CHST8: variants seen among roughly 807,000 people sequenced by gnomAD.
CHST8 encodes carbohydrate sulfotransferase 8.
A neutral mutation model predicts 15.0 loss-of-function variants in CHST8; 10 were observed. The observed-to-expected ratio is 0.67, with a 90% confidence interval of 0.41 to 1.13. The LOEUF (loss-of-function observed/expected upper bound fraction) is 1.13. CHST8 is among the 50% of genes most tolerant of loss of function. CHST8 has a pLI of 0.00. For synonymous variants in CHST8, 259 were observed against 256.6 expected (o/e 1.01, Z -0.09); for missense variants, 634 against 608.2 (o/e 1.04, Z -0.45).
intron 1 of CHST8, among the ~76,000 whole-genome samples, chr19:33,631,874 A>G (rs553571832): frequency 2.6e-5 from 4 of 152,288 alleles, no homozygotes; most frequent in African/African-American, 7.2e-5. Flanking sequence ...TGTGTGGGCT[A>G]GGGACCCAGT....
At chr19:33,769,287 A>G (rs889438622) in intron 3 of CHST8, among the ~76,000 whole-genome samples, 1 of 152,078 alleles carries the variant, frequency 6.6e-6, no homozygotes, top group Non-Finnish European at 1.5e-5. Flanking sequence ...TCTCAGCCCC[A>G]CTCTTGGCCA....
At chr19:33,694,220 A>ATATATATAT (rs1973163835) in intron 3 of CHST8, among the ~76,000 whole-genome samples, 2 of 92,008 alleles carry the variant, frequency 2.2e-5, no homozygotes, top group Non-Finnish European at 4.2e-5. Flanking sequence ...ATATATATAT[A>ATATATATAT]ATGTTACCAT....
At chr19:33,745,402 A>C (rs928762193) in intron 3 of CHST8, among the ~76,000 whole-genome samples, 1 of 152,254 alleles carries the variant, frequency 6.6e-6, no homozygotes, top group Non-Finnish European at 1.5e-5. Context: ...CGGAGGCATT[A>C]CTGCCTCTGG....
At chr19:33,707,669 C>T (rs930283969) in intron 3 of CHST8, among the ~76,000 whole-genome samples, 4 of 152,110 alleles carry the variant, frequency 2.6e-5, no homozygotes, top group Non-Finnish European at 4.4e-5. Flanking sequence ...CTGCTGGATA[C>T]GGGATTGTTG....
At chr19:33,695,821 C>CTTTCTTTCTTTTTTTTTTTTTTT (rs57718433) in intron 3 of CHST8, among the ~76,000 whole-genome samples, 4 of 76,230 alleles carry the variant, frequency 5.2e-5, no homozygotes, top group African/African-American at 6.2e-5. Flanking sequence ...TTCTTTCTTT[C>CTTTCTTTCTTTTTTTTTTTTTTT]TTTTTTTTTT....
chr19:33,719,607 C>T (rs1021912180), intron 3 of CHST8, among the ~76,000 whole-genome samples: 14 of 151,972 alleles, frequency 9.2e-5, no homozygotes, highest in Non-Finnish European at 1.6e-4. Context: ...ACTGCAGCCC[C>T]AGGGCTGACT....
rs893229207 is a variant in CHST8 at position 33,772,728 on chromosome 19, T to G, written c.940T>G (p.Tyr314Asp). Residue 314 changes from tyrosine to aspartate, a missense_variant, in exon 5 of 5, where the codon TAC (tyrosine) becomes GAC (aspartate). By Grantham distance (160) the Tyr-to-Asp change is radical. Coordinates refer to ENST00000650847, the MANE Select transcript of CHST8 (RefSeq NM_001127895.2). Reference sequence around the variant, plus strand: ...GGTGCGTTTTCCCGAGTTCGTCCAGTACCTGCTGGACGTGCACCGGCCCGT... The same window carrying G: ...GGTGCGTTTTCCCGAGTTCGTCCAGGACCTGCTGGACGTGCACCGGCCCGT... ...SGVRFPEFVQYLLDVHRPVGM... is the reference protein window; with the variant it reads ...SGVRFPEFVQDLLDVHRPVGM... 5.0e-6 allele frequency: 8 copies of G among 1,613,248 alleles called. No individual in the cohort carries two copies. The highest frequency in any genetic ancestry group is 4.2e-6 in the Non-Finnish European group (5 of 1,179,964).
At chr19:33,690,472 G>A (rs371270595) in intron 3 of CHST8, among the ~76,000 whole-genome samples, 13 of 152,320 alleles carry the variant, frequency 8.5e-5, no homozygotes, top group African/African-American at 3.1e-4. Flanking sequence ...TTGAGGGCCT[G>A]TGGGCACCAG....
chr19:33,713,988 G>A (rs1278825665), intron 3 of CHST8, among the ~76,000 whole-genome samples: 2 of 152,184 alleles, frequency 1.3e-5, no homozygotes, highest in Non-Finnish European at 2.9e-5. Context: ...GCACCAGGAG[G>A]GGCAGGCGTT....
At chr19:33,636,119 C>G (rs1972196459) in intron 1 of CHST8, among the ~76,000 whole-genome samples, 1 of 150,034 alleles carries the variant, frequency 6.7e-6, no homozygotes, top group Non-Finnish European at 1.5e-5. Flanking sequence ...CCTCTTGACG[C>G]TTTCTCCAAA....
At chr19:33,657,543 A>C (rs1452045398) in intron 1 of CHST8, among the ~76,000 whole-genome samples, 1 of 151,866 alleles carries the variant, frequency 6.6e-6, no homozygotes, top group Non-Finnish European at 1.5e-5. Context: ...AAATGTTGGG[A>C]TTACAGGCAT....
At chr19:33,674,432 C>T (rs531986039) in intron 2 of CHST8, among the ~76,000 whole-genome samples, 69 of 152,300 alleles carry the variant, frequency 4.5e-4, no homozygotes, top group African/African-American at 1.7e-3. Context: ...ATTACGGCTC[C>T]CATGCCTGGC....
At chr19:33,647,544 G>A (rs1291016469) in intron 1 of CHST8, among the ~76,000 whole-genome samples, 1 of 152,058 alleles carries the variant, frequency 6.6e-6, no homozygotes, top group Non-Finnish European at 1.5e-5. Flanking sequence ...TGCAAATGAG[G>A]GCAAAGAAAT....
rs567781919 is a variant in CHST8 at position 33,773,479 on chromosome 19, G to T, written c.*416G>T. 68 of 197,654 alleles carry T rather than the reference G, an allele frequency of 3.4e-4. No individual in the cohort carries two copies. Among genetic ancestry groups the T allele is most frequent in the African/African-American group, 1.5e-3 (63 of 43,036 alleles). 12.2% of individuals were successfully genotyped at this position (197,654 alleles called of 1,614,324 possible). A position where few individuals can be genotyped will look rare whatever the true frequency, so the allele number is the denominator to read the frequency against. ...AGGGGGGAGGTTCCCTTGGATTAAG[G>T]TTCCAAATAAAGCACATGGTTTCCA... On this transcript the variant is annotated 3_prime_UTR_variant, in exon 5 of 5. Transcript: ENST00000650847.
intron 3 of CHST8, among the ~76,000 whole-genome samples, chr19:33,733,979 TAAACCAGAGC>T (rs1246853501): frequency 1.3e-5 from 2 of 152,172 alleles, no homozygotes; most frequent in Admixed American, 6.5e-5. Flanking sequence ...CAGAGGTGTG[TAAACCAGAGC>T]AACTCCATCT....
chr19:33,701,497 A>G (rs963390), intron 3 of CHST8, among the ~76,000 whole-genome samples: 32,828 of 152,166 alleles, frequency 0.22, 3,802 homozygotes, highest in African/African-American at 0.3. Flanking sequence ...TTATGCTAAA[A>G]GTTCCTAGGG....
chr19:33,753,435 T>C (rs113963905), intron 3 of CHST8, among the ~76,000 whole-genome samples: 2 of 46,788 alleles, frequency 4.3e-5, no homozygotes, highest in Admixed American at 4.9e-4. Context: ...CCACCCACCC[T>C]CCATCCTCCC....
At chr19:33,695,907 C>T (rs1973209984) in intron 3 of CHST8, among the ~76,000 whole-genome samples, 1 of 147,168 alleles carries the variant, frequency 6.8e-6, no homozygotes, top group African/African-American at 2.5e-5. Context: ...CTCACTGCAA[C>T]CTCCACCTCC....
intron 3 of CHST8, among the ~76,000 whole-genome samples, chr19:33,706,291 C>G (rs986041550): frequency 1.8e-4 from 28 of 152,168 alleles, no homozygotes; most frequent in Admixed American, 9.2e-4. Flanking sequence ...CAGACATGTT[C>G]TGGTTCTTGT....
Sources: gnomAD v4.1 joint callset for allele counts (sites outside exome capture counted in the v4.1 genomes callset) on GRCh38, gnomAD v4.1.1 for gene constraint, MANE v1.5 for transcripts, NCBI Gene and HGNC (gene_info 2026-07-23, HGNC 2026-07-21) for gene names.